KMT2C: variants seen among roughly 807,000 people sequenced by gnomAD.
The protein encoded by KMT2C is histone-lysine N-methyltransferase 2C.
In KMT2C, 88 loss-of-function variants were observed where a neutral mutation model predicts 507.9. That is an observed-to-expected ratio of 0.17 (90% CI 0.15 to 0.21). The LOEUF (loss-of-function observed/expected upper bound fraction) is 0.21, where lower values mean the gene tolerates loss of function less well. Among genes scored for constraint, KMT2C ranks in the 10% least tolerant of loss-of-function variants. The pLI, the probability that KMT2C is intolerant of heterozygous loss-of-function variation, is 1.00. For missense variants in KMT2C, 4,954 were observed against 5,957.8 expected, an observed-to-expected ratio of 0.83 and a Z score of 5.55; for synonymous variants, 2,049 against 2,080.8, an observed-to-expected ratio of 0.98 and a Z score of 0.42.
intron 23 of KMT2C, among the ~76,000 whole-genome samples, chr7:152,216,360 G>A (rs1237370352): frequency 3.9e-5 from 6 of 152,276 alleles, no homozygotes; most frequent in Admixed American, 2.6e-4. Flanking sequence ...GCGGTTATTA[G>A]AAGAGTTAAA....
intron 6 of KMT2C, among the ~76,000 whole-genome samples, chr7:152,278,372 G>A (rs112294086): frequency 3.2e-3 from 483 of 151,218 alleles, no homozygotes; most frequent in Non-Finnish European, 3.7e-3. Flanking sequence ...CCTCTGCCCC[G>A]CAGGTTCAAG....
chr7:152,215,711 AATAT>A (rs751875357), intron 23 of KMT2C, among the ~76,000 whole-genome samples: 2 of 139,220 alleles, frequency 1.4e-5, no homozygotes, highest in Non-Finnish European at 3.0e-5. Context: ...ACACACACAA[AATAT>A]ATATATATAC....
intron 2 of KMT2C, among the ~76,000 whole-genome samples, chr7:152,353,814 A>G (rs2097132215): frequency 6.6e-6 from 1 of 152,188 alleles, no homozygotes; most frequent in Admixed American, 6.5e-5. Flanking sequence ...CCCTTATATT[A>G]CTACAAAACA....
At chr7:152,309,086 T>C (rs1441008409) in intron 6 of KMT2C, among the ~76,000 whole-genome samples, 1 of 152,120 alleles carries the variant, frequency 6.6e-6, no homozygotes, top group African/African-American at 2.4e-5. Flanking sequence ...CAAACAGAGG[T>C]AGTCCACATT....
chr7:152,353,655 A>C (rs2097131036), intron 2 of KMT2C, among the ~76,000 whole-genome samples: 1 of 151,832 alleles, frequency 6.6e-6, no homozygotes. Flanking sequence ...ACACCATCAC[A>C]CCCAACTAAT....
chr7:152,164,991 T>C (rs548656431), intron 42 of KMT2C, among the ~76,000 whole-genome samples: 35 of 152,382 alleles, frequency 2.3e-4, no homozygotes, highest in Admixed American at 7.2e-4. Context: ...GGAGTTCTAA[T>C]AGTTTTTCAA....
intron 1 of KMT2C, chr7:152,367,386 C>G (rs897283339): frequency 1.4e-6 from 1 of 693,280 alleles, no homozygotes; most frequent in African/African-American, 1.8e-5. Flanking sequence ...CCCCGGCTGG[C>G]ACCAGCATAC....
In KMT2C at chr7:152,152,783, C is replaced by T. The variant is rs2129097532; in HGVS notation, c.12448G>A (p.Gly4150Arg). 9 of 1,614,160 alleles carry T rather than the reference C, an allele frequency of 5.6e-6. No homozygotes were observed. The highest frequency in any genetic ancestry group is 7.6e-6 in the Non-Finnish European group (9 of 1,180,032). Reference sequence around the variant, plus strand: ...ACTAATCTGGGAGGGTTTGCAGATCCTGGCGGAGGCCCACGGAGAAGTAAA... The same window carrying T: ...ACTAATCTGGGAGGGTTTGCAGATCTTGGCGGAGGCCCACGGAGAAGTAAA... ...QHLLLRGPPP[G>R]SANPPRLVSS... The change falls in exon 49 of 59, where the codon GGA becomes AGA. Residue 4150 changes from glycine to arginine, a missense_variant. Around this residue, in one of 29 missense-constraint regions of KMT2C, gnomAD observed 417 missense variants for 461.1 expected, o/e 0.90. Coordinates refer to ENST00000262189, the MANE Select transcript of KMT2C (RefSeq NM_170606.3).
intron 35 of KMT2C, 38 bp downstream of exon 35, chr7:152,182,936 T>A (rs1563296212): frequency 6.8e-7 from 1 of 1,477,364 alleles, no homozygotes; most frequent in African/African-American, 1.4e-5. Context: ...AAAACAAAAA[T>A]GCAACTTCAA....
At chr7:152,367,288 T>A in intron 1 of KMT2C, 1 of 1,203,906 alleles carries the variant, frequency 8.3e-7, no homozygotes, top group Non-Finnish European at 1.2e-6. Flanking sequence ...CTGCCAACTA[T>A]TCCAAGTTTC....
intron 1 of KMT2C, chr7:152,368,096 A>C: frequency 1.1e-6 from 1 of 920,646 alleles, no homozygotes; most frequent in South Asian, 1.3e-5. Context: ...TTGCTGTGGT[A>C]AGCTAGTAAT....
rs1045314464 is a variant in KMT2C at position 152,368,206 on chromosome 7, A to C, written c.162-9531T>G. 6 of 892,926 alleles carry C rather than the reference A, an allele frequency of 6.7e-6. No homozygotes were observed. The African/African-American group carries it at 9.8e-5, about 15-fold the overall frequency. 55.3% of individuals were successfully genotyped at this position (892,926 alleles called of 1,614,324 possible). A position where few individuals can be genotyped will look rare whatever the true frequency, so the allele number is the denominator to read the frequency against. On this transcript the variant is annotated intron_variant, in intron 1 of 58. Transcript: ENST00000262189. ...TGAACATTGTGATTTTACAATTCTA[A>C]GAAATATGCTGATAAAAACACACAC...
At chr7:152,358,301 T>A (rs1236911174) in intron 2 of KMT2C, among the ~76,000 whole-genome samples, 3 of 152,064 alleles carry the variant, frequency 2.0e-5, no homozygotes, top group Non-Finnish European at 4.4e-5. Context: ...GCGATTATAC[T>A]AACAGCCTGG....
intron 26 of KMT2C, among the ~76,000 whole-genome samples, chr7:152,200,985 T>C (rs556496671): frequency 1.3e-5 from 2 of 152,280 alleles, no homozygotes; most frequent in South Asian, 4.1e-4. Flanking sequence ...ATTCATTTCT[T>C]ATAATAAGCA....
At chr7:152,417,558 G>T (rs1467287029) in intron 1 of KMT2C, among the ~76,000 whole-genome samples, 1 of 152,206 alleles carries the variant, frequency 6.6e-6, no homozygotes, top group East Asian at 1.9e-4. Flanking sequence ...ACTAGAAAGT[G>T]ATAAGACCAG....
chr7:152,282,470 G>C (rs2096235519), intron 6 of KMT2C, among the ~76,000 whole-genome samples: 1 of 149,936 alleles, frequency 6.7e-6, no homozygotes, highest in Non-Finnish European at 1.5e-5. Context: ...ATAAATTATA[G>C]TACTCTTAAC....
chr7:152,246,859 G>A (rs1376074427), intron 14 of KMT2C, among the ~76,000 whole-genome samples: 1 of 152,056 alleles, frequency 6.6e-6, no homozygotes, highest in African/African-American at 2.4e-5. Context: ...AATCCCATCT[G>A]ACAACTACTT....
intron 6 of KMT2C, among the ~76,000 whole-genome samples, chr7:152,289,396 CTT>C (rs952363392): frequency 2.4e-4 from 37 of 152,170 alleles, no homozygotes; most frequent in Non-Finnish European, 4.6e-4. Context: ...GAATACACAT[CTT>C]TTAATTATCT....
chr7:152,311,703 A>G (rs1458722825), intron 5 of KMT2C, 95 bp downstream of exon 5: 2 of 849,242 alleles, frequency 2.4e-6, no homozygotes, highest in African/African-American at 3.4e-5. Context: ...TTATTTCTAG[A>G]TGAAAGGTAT....
Sources: allele counts gnomAD v4.1 joint callset (sites outside exome capture counted in the v4.1 genomes callset), GRCh38; gene constraint gnomAD v4.1.1; regional missense constraint gnomAD v4.1.1; transcripts MANE v1.5; gene names NCBI Gene and HGNC (gene_info 2026-07-23, HGNC 2026-07-21).